Variants in TLN2 observed in about 807,000 individuals in gnomAD.
TLN2 encodes talin-2.
In TLN2, 118 loss-of-function variants were observed where a neutral mutation model predicts 294.7. The observed-to-expected ratio is 0.40, with a 90% CI of 0.34 to 0.47. The LOEUF (loss-of-function observed/expected upper bound fraction) is 0.47, where lower values mean the gene tolerates loss of function less well. TLN2 is among the 20% of genes least tolerant of loss of function. The pLI, the probability that TLN2 is intolerant of heterozygous loss-of-function variation, is 0.84. For missense variants in TLN2, 3,083 were observed against 3,282.2 expected, an observed-to-expected ratio of 0.94 and a Z score of 1.48; for synonymous variants, 1,431 against 1,304.5, an observed-to-expected ratio of 1.10 and a Z score of -2.09.
chr15:62,606,854 A>AC, intron 2 of TLN2, among the ~76,000 whole-genome samples: 1 of 152,090 alleles, frequency 6.6e-6, no homozygotes, highest in Admixed American at 6.5e-5. Flanking sequence ...AGTGAATAGC[A>AC]CCCTCCTCGC....
chr15:62,529,332 A>G (rs1396089334), intron 1 of TLN2, among the ~76,000 whole-genome samples: 2 of 152,060 alleles, frequency 1.3e-5, no homozygotes, highest in Non-Finnish European at 2.9e-5. Context: ...GGACTCAGGC[A>G]ATCTTCCCAC....
At chr15:62,421,780 G>T (rs1360859051) in intron 1 of TLN2, among the ~76,000 whole-genome samples, 1 of 151,970 alleles carries the variant, frequency 6.6e-6, no homozygotes, top group East Asian at 1.9e-4. Flanking sequence ...AAGTTTACCT[G>T]TATAACAAAT....
chr15:62,537,443 A>C (rs2041426405), intron 1 of TLN2, among the ~76,000 whole-genome samples: 1 of 152,236 alleles, frequency 6.6e-6, no homozygotes, highest in African/African-American at 2.4e-5. Context: ...TTAGTCCAGA[A>C]GCCAAACCAG....
intron 13 of TLN2, among the ~76,000 whole-genome samples, 196 bp downstream of exon 13, chr15:62,693,137 C>A (rs1296374696): frequency 6.6e-6 from 1 of 152,152 alleles, no homozygotes; most frequent in African/African-American, 2.4e-5. Context: ...AGAGACCAGT[C>A]TGGCCAACAT....
chr15:62,406,491 C>G (rs995428845), intron 1 of TLN2, among the ~76,000 whole-genome samples: 4 of 152,220 alleles, frequency 2.6e-5, no homozygotes, highest in Admixed American at 1.3e-4. Context: ...AGCACTACCC[C>G]ACAGGCAGTG....
At chr15:62,763,829 C>T in intron 40 of TLN2, 134 bp downstream of exon 40, 10 of 1,315,822 alleles carry the variant, frequency 7.6e-6, no homozygotes, top group Non-Finnish European at 9.0e-6. Flanking sequence ...GACAGCCATT[C>T]TCTGTGGAGC....
intron 1 of TLN2, among the ~76,000 whole-genome samples, chr15:62,417,938 G>C (rs1003209774): frequency 6.6e-6 from 1 of 152,300 alleles, no homozygotes; most frequent in African/African-American, 2.4e-5. Context: ...ACCTCTGGTC[G>C]CTTGCCCCCT....
intron 1 of TLN2, among the ~76,000 whole-genome samples, chr15:62,538,906 T>C (rs77107302): frequency 0.015 from 2,309 of 152,326 alleles, 57 homozygotes; most frequent in African/African-American, 0.052. Context: ...AAGTGCTTTA[T>C]TACCTGCTGA....
intron 1 of TLN2, among the ~76,000 whole-genome samples, chr15:62,394,593 G>A (rs969066601): frequency 2.6e-5 from 4 of 152,176 alleles, no homozygotes; most frequent in Non-Finnish European, 4.4e-5. Flanking sequence ...TAAATGGTGG[G>A]TATGACCAGA....
chr15:62,488,863 G>T (rs972398160), intron 1 of TLN2, among the ~76,000 whole-genome samples: 1 of 152,132 alleles, frequency 6.6e-6, no homozygotes, highest in African/African-American at 2.4e-5. Flanking sequence ...GCCGTGAATG[G>T]TTAAATATAT....
At chr15:62,653,657 G>A (rs1489721616) in intron 7 of TLN2, among the ~76,000 whole-genome samples, 6 of 152,002 alleles carry the variant, frequency 3.9e-5, no homozygotes, top group Non-Finnish European at 7.4e-5. Flanking sequence ...AACCTGGGAG[G>A]TGGAGGTTGC....
At chr15:62,429,904 C>G (rs1034670017) in intron 1 of TLN2, among the ~76,000 whole-genome samples, 1 of 152,120 alleles carries the variant, frequency 6.6e-6, no homozygotes, top group Admixed American at 6.5e-5. Context: ...TCAGCCTGTA[C>G]GTGACTTATC....
At chr15:62,540,690 G>A (rs1596061720) in intron 1 of TLN2, among the ~76,000 whole-genome samples, 2 of 152,094 alleles carry the variant, frequency 1.3e-5, no homozygotes, top group South Asian at 4.2e-4. Flanking sequence ...TGAGAGATAA[G>A]CATGTGCCAG....
intron 2 of TLN2, among the ~76,000 whole-genome samples, chr15:62,610,725 G>T (rs2047844600): frequency 6.6e-6 from 1 of 152,168 alleles, no homozygotes; most frequent in Non-Finnish European, 1.5e-5. Flanking sequence ...ATGTTTTGCT[G>T]TTCTGCACTC....
chr15:62,804,730 C>T (rs1022339837), intron 50 of TLN2, among the ~76,000 whole-genome samples: 27 of 152,164 alleles, frequency 1.8e-4, no homozygotes, highest in African/African-American at 6.3e-4. Flanking sequence ...TGCCCATTTT[C>T]AGCAGTGATG....
At chr15:62,735,002 T>C (rs1394824553) in intron 28 of TLN2, among the ~76,000 whole-genome samples, 2 of 152,226 alleles carry the variant, frequency 1.3e-5, no homozygotes, top group African/African-American at 4.8e-5. Flanking sequence ...AAAAGTTCAG[T>C]GCGAGAGAGA....
intron 2 of TLN2, among the ~76,000 whole-genome samples, chr15:62,600,202 G>C (rs750257945): frequency 6.6e-6 from 1 of 152,240 alleles, no homozygotes; most frequent in East Asian, 1.9e-4. Flanking sequence ...TCTTGAAGAG[G>C]GCTGTTCAGG....
chr15:62,489,353 T>C (rs575673610), intron 1 of TLN2, among the ~76,000 whole-genome samples: 2 of 152,194 alleles, frequency 1.3e-5, no homozygotes, highest in Admixed American at 1.3e-4. Flanking sequence ...TCAAACAGCC[T>C]AAGCACATGT....
At chr15:62,762,020 C>T (rs1021435743) in intron 38 of TLN2, among the ~76,000 whole-genome samples, 199 bp downstream of exon 38, 3 of 152,162 alleles carry the variant, frequency 2.0e-5, no homozygotes, top group African/African-American at 7.2e-5. Context: ...ATGTAGAGAA[C>T]AATCTTACTG....
Sources: gnomAD v4.1 joint callset for allele counts (sites outside exome capture counted in the v4.1 genomes callset) on GRCh38, gnomAD v4.1.1 for gene constraint, MANE v1.5 for transcripts, NCBI Gene and HGNC (gene_info 2026-07-23, HGNC 2026-07-21) for gene names.